Variants in SLC9B1 observed in about 807,000 individuals in gnomAD.
The protein encoded by SLC9B1 is solute carrier family 9 member B1, also known as sodium/hydrogen exchanger 9B1.
A neutral mutation model predicts 51.7 loss-of-function variants in SLC9B1; 32 were observed. That is an observed-to-expected ratio of 0.62 (90% confidence interval 0.47 to 0.83). The LOEUF is 0.83. SLC9B1 is among the 40% of genes least tolerant of loss of function. SLC9B1 has a pLI of 0.00. For synonymous variants in SLC9B1, 145 were observed against 212.7 expected (o/e 0.68, Z 2.77); for missense variants, 406 against 613.2 (o/e 0.66, Z 3.57).
intron 3 of SLC9B1, among the ~76,000 whole-genome samples, chr4:102,981,003 C>A (rs1739325188): frequency 6.6e-6 from 1 of 152,164 alleles, no homozygotes; most frequent in Admixed American, 6.6e-5. Context: ...GCCTGCTCAT[C>A]CCTCCCTCCT....
chr4:102,897,841 T>C (rs982514060), downstream of SLC9B1: 4 of 404,696 alleles, frequency 9.9e-6, no homozygotes, highest in East Asian at 6.6e-5. Flanking sequence ...CTACTACAGA[T>C]ACTCCTGCTG....
intron 3 of SLC9B1, among the ~76,000 whole-genome samples, chr4:102,973,594 G>A (rs958030143): frequency 1.3e-5 from 2 of 152,098 alleles, no homozygotes; most frequent in Non-Finnish European, 2.9e-5. Flanking sequence ...ATACTTTGAA[G>A]CCTGATAAAG....
At chr4:102,962,591 A>G in intron 3 of SLC9B1, 1 of 474,526 alleles carries the variant, frequency 2.1e-6, no homozygotes, top group Non-Finnish European at 4.4e-6. Flanking sequence ...AGTCATTGAC[A>G]AAGGAGATGG....
chr4:102,917,477 A>G (rs78393478), intron 7 of SLC9B1, among the ~76,000 whole-genome samples: 888 of 69,512 alleles, frequency 0.013, no homozygotes, highest in African/African-American at 0.015. Flanking sequence ...ATCTATATCT[A>G]TATCTATATC....
chr4:102,987,519 G>A (rs1739695002), intron 3 of SLC9B1, among the ~76,000 whole-genome samples: 1 of 151,940 alleles, frequency 6.6e-6, no homozygotes, highest in African/African-American at 2.4e-5. Flanking sequence ...ATCTAAGTTG[G>A]TTAGGCTCTG....
At chr4:103,019,330 C>T (rs929313231) in intron 1 of SLC9B1, among the ~76,000 whole-genome samples, 3 of 152,124 alleles carry the variant, frequency 2.0e-5, no homozygotes, top group Non-Finnish European at 4.4e-5. Context: ...TTCTTTCTTA[C>T]TGGCGAGTAT....
intron 1 of SLC9B1, among the ~76,000 whole-genome samples, chr4:103,015,765 C>T (rs1284376682): frequency 6.6e-6 from 1 of 152,072 alleles, no homozygotes; most frequent in African/African-American, 2.4e-5. Context: ...AAGGTCTCAC[C>T]TCTGACCACT....
intron 3 of SLC9B1, among the ~76,000 whole-genome samples, chr4:102,988,745 C>CA (rs893618435): frequency 5.9e-5 from 9 of 151,940 alleles, no homozygotes; most frequent in African/African-American, 2.2e-4. Flanking sequence ...TAAATGTCTC[C>CA]AAAACTGCAA....
At chr4:102,900,544 C>A (rs145938905), downstream of SLC9B1, among the ~76,000 whole-genome samples, 2,539 of 152,160 alleles carry the variant, frequency 0.017, 48 homozygotes, top group African/African-American at 0.055. Flanking sequence ...ATTTTAAGGG[C>A]ATGGCAGAAG....
At chr4:102,909,586 A>C (rs558220574) in intron 9 of SLC9B1, among the ~76,000 whole-genome samples, 43 of 152,286 alleles carry the variant, frequency 2.8e-4, no homozygotes, top group African/African-American at 1.0e-3. Context: ...CTGGGTGACA[A>C]GAGTGAAACT....
chr4:102,903,348 A>G (rs1578331753), intron 11 of SLC9B1, among the ~76,000 whole-genome samples: 1 of 152,216 alleles, frequency 6.6e-6, no homozygotes, highest in African/African-American at 2.4e-5. Flanking sequence ...AAGGTAAGAT[A>G]AAATAACAAC....
At chr4:102,998,048 A>G (rs962031246) in intron 1 of SLC9B1, among the ~76,000 whole-genome samples, 1 of 152,186 alleles carries the variant, frequency 6.6e-6, no homozygotes, top group African/African-American at 2.4e-5. Context: ...ACTTTAAAGT[A>G]TATAGTTCCA....
chr4:102,986,523 T>G (rs1461149268), intron 3 of SLC9B1, among the ~76,000 whole-genome samples: 4 of 152,210 alleles, frequency 2.6e-5, no homozygotes, highest in African/African-American at 9.6e-5. Context: ...GACATTCATT[T>G]GTGGAAATTC....
intron 7 of SLC9B1, among the ~76,000 whole-genome samples, chr4:102,928,978 C>T (rs968647741): frequency 2.6e-5 from 4 of 152,184 alleles, no homozygotes; most frequent in Admixed American, 2.6e-4. Flanking sequence ...TCCTAAACTT[C>T]TTCTGCCTGC....
intron 6 of SLC9B1, among the ~76,000 whole-genome samples, chr4:102,944,418 C>T (rs1357932740): frequency 6.6e-6 from 1 of 152,142 alleles, no homozygotes; most frequent in Non-Finnish European, 1.5e-5. Flanking sequence ...AGAGTTGTCA[C>T]TTTGGGTAGA....
intron 9 of SLC9B1, among the ~76,000 whole-genome samples, chr4:102,908,649 G>A (rs1248499361): frequency 6.6e-6 from 1 of 152,200 alleles, no homozygotes; most frequent in African/African-American, 2.4e-5. Flanking sequence ...TCTTTGTAAC[G>A]TTTATATGTT....
At chr4:102,960,857 C>T (rs202099150) in intron 3 of SLC9B1, among the ~76,000 whole-genome samples, 5 of 151,802 alleles carry the variant, frequency 3.3e-5, no homozygotes, top group African/African-American at 9.7e-5. Flanking sequence ...CTCAGCCTCC[C>T]GAGTAGCTGG....
At chr4:102,952,864 A>T in intron 3 of SLC9B1, among the ~76,000 whole-genome samples, 1 of 36,442 alleles carries the variant, frequency 2.7e-5, no homozygotes. Context: ...TAGATTCTGG[A>T]TATTAGTCCT....
intron 1 of SLC9B1, among the ~76,000 whole-genome samples, chr4:103,002,015 G>A (rs1740549852): frequency 6.6e-6 from 1 of 152,196 alleles, no homozygotes; most frequent in Non-Finnish European, 1.5e-5. Context: ...AAGGGAACAG[G>A]CCAAATGCTT....
Sources: allele counts gnomAD v4.1 joint callset (sites outside exome capture counted in the v4.1 genomes callset), GRCh38; gene constraint gnomAD v4.1.1; transcripts MANE v1.5; gene names NCBI Gene and HGNC (gene_info 2026-07-23, HGNC 2026-07-21).